Variants in CSMD3 observed in about 807,000 individuals in gnomAD.
CSMD3 encodes the protein CUB and Sushi multiple domains 3.
In CSMD3, 177 loss-of-function variants were observed where a neutral mutation model predicts 435.2. The observed-to-expected ratio is 0.41, with a 90% CI of 0.36 to 0.46. The LOEUF is 0.46. Among genes scored for constraint, CSMD3 ranks in the 20% least tolerant of loss-of-function variants. CSMD3 has a pLI of 0.34. For synonymous variants in CSMD3, 1,656 were observed against 1,520.5 expected (o/e 1.09, Z -2.07); for missense variants, 4,265 against 4,504.6 (o/e 0.95, Z 1.52).
At chr8:113,023,699 A>G (rs1209068112) in intron 5 of CSMD3, among the ~76,000 whole-genome samples, 2 of 152,102 alleles carry the variant, frequency 1.3e-5, no homozygotes, top group African/African-American at 2.4e-5. Flanking sequence ...AAACCAGACA[A>G]AGTTCCATGG....
rs201077177 is a variant in CSMD3 at position 112,827,361 on chromosome 8, G to GT, written c.1859+2324dup. Reference sequence around the variant, plus strand: ...TATTTTATCCAATGCTGAGATGGAAGTTTTTTTTGTGGCAGATACATGAAT... The same window carrying GT: ...TATTTTATCCAATGCTGAGATGGAAGTTTTTTTTTGTGGCAGATACATGAAT... On this transcript the variant is annotated intron_variant, in intron 12 of 70. Transcript: ENST00000297405. 3.8e-4 allele frequency among the ~76,000 whole-genome samples: 57 copies of GT among 150,800 alleles called. 1 individual carries two copies. In the East Asian group the frequency reaches 9.9e-3, roughly 26 times the overall value.
At chr8:112,594,684 C>T (rs1831523161) in intron 22 of CSMD3, among the ~76,000 whole-genome samples, 1 of 152,184 alleles carries the variant, frequency 6.6e-6, no homozygotes, top group Non-Finnish European at 1.5e-5. Flanking sequence ...GGCAGACTGC[C>T]TCCTCAAGTG....
chr8:113,428,254 ATCTATCTT>A (rs1410063308), intron 1 of CSMD3, among the ~76,000 whole-genome samples: 13 of 130,908 alleles, frequency 9.9e-5, no homozygotes, highest in African/African-American at 3.5e-4. Flanking sequence ...CTATCTATCT[ATCTATCTT>A]TCTGTCTAAT....
At chr8:112,909,380 G>GT (rs1181524689) in intron 10 of CSMD3, among the ~76,000 whole-genome samples, 1 of 151,534 alleles carries the variant, frequency 6.6e-6, no homozygotes, top group African/African-American at 2.4e-5. Context: ...CCTTAACAAT[G>GT]TAACAGAAGT....
chr8:113,055,675 G>A (rs932037441), intron 5 of CSMD3, among the ~76,000 whole-genome samples: 2 of 152,190 alleles, frequency 1.3e-5, no homozygotes, highest in East Asian at 1.9e-4. Flanking sequence ...TTAGAAGGAT[G>A]AGCATAACAT....
chr8:113,213,292 C>T (rs193264133), intron 3 of CSMD3, among the ~76,000 whole-genome samples: 10 of 152,140 alleles, frequency 6.6e-5, no homozygotes, highest in Middle Eastern at 3.4e-3. Context: ...CATAAAAGAT[C>T]AGAGAGAAGC....
intron 32 of CSMD3, among the ~76,000 whole-genome samples, chr8:112,409,951 C>A (rs867385118): frequency 6.6e-6 from 1 of 151,712 alleles, no homozygotes; most frequent in African/African-American, 2.4e-5. Flanking sequence ...TTTAATAATG[C>A]CAAAGCAAGG....
At chr8:112,872,000 G>A (rs1296676155) in intron 10 of CSMD3, among the ~76,000 whole-genome samples, 1 of 151,758 alleles carries the variant, frequency 6.6e-6, no homozygotes, top group African/African-American at 2.4e-5. Flanking sequence ...ATAATCCACT[G>A]GAAAAATACT....
intron 1 of CSMD3, among the ~76,000 whole-genome samples, chr8:113,358,614 G>C (rs905312862): frequency 2.0e-5 from 3 of 152,146 alleles, no homozygotes; most frequent in African/African-American, 7.2e-5. Flanking sequence ...TTACAATCAT[G>C]GCAGAAGGCA....
intron 27 of CSMD3, among the ~76,000 whole-genome samples, chr8:112,530,170 AG>A (rs1825382820): frequency 6.6e-6 from 1 of 152,196 alleles, no homozygotes; most frequent in Non-Finnish European, 1.5e-5. Context: ...CTCACAATTT[AG>A]GGACCAATAT....
chr8:112,636,005 A>C (rs1181555962), intron 22 of CSMD3, among the ~76,000 whole-genome samples: 1 of 152,184 alleles, frequency 6.6e-6, no homozygotes, highest in Non-Finnish European at 1.5e-5. Flanking sequence ...TTATAAAATA[A>C]TTATAAAATG....
At chr8:112,466,933 A>G (rs1818016481) in intron 32 of CSMD3, among the ~76,000 whole-genome samples, 2 of 152,204 alleles carry the variant, frequency 1.3e-5, no homozygotes, top group Non-Finnish European at 2.9e-5. Flanking sequence ...TATCCTAAGG[A>G]AAGATGTTTC....
intron 12 of CSMD3, among the ~76,000 whole-genome samples, chr8:112,802,128 A>G (rs916329222): frequency 6.6e-6 from 1 of 151,708 alleles, no homozygotes; most frequent in African/African-American, 2.4e-5. Context: ...AATAAAATAT[A>G]TATATTTTTA....
At chr8:112,612,112 C>T (rs1037388108) in intron 22 of CSMD3, among the ~76,000 whole-genome samples, 1 of 152,080 alleles carries the variant, frequency 6.6e-6, no homozygotes, top group Non-Finnish European at 1.5e-5. Context: ...ATAAAGAGAA[C>T]CTAATCAGGT....
intron 9 of CSMD3, among the ~76,000 whole-genome samples, chr8:112,930,384 T>C (rs1175539127): frequency 6.6e-6 from 1 of 152,098 alleles, no homozygotes; most frequent in African/African-American, 2.4e-5. Flanking sequence ...AACACATTAA[T>C]TGTATTTTAA....
Position 112,989,028 on chromosome 8 carries a change from T to G in CSMD3, c.1031-12880A>C, listed in dbSNP as rs139606650. The stretch of plus-strand genomic sequence containing the variant: ...TCATTTATTCATTCTTCCAGAATTT[T>G]AGGCAACAAGAATTTGTCGAGTGCT... On this transcript the variant is annotated intron_variant, in intron 6 of 70. Transcript: ENST00000297405. Among the ~76,000 whole-genome samples, 945 of 152,182 alleles carry G rather than the reference T, an allele frequency of 6.2e-3. 4 individuals carry two copies. Among genetic ancestry groups the G allele is most frequent in the Non-Finnish European group, 8.9e-3 (607 of 67,996 alleles).
chr8:112,386,887 C>T (rs1830024982), intron 36 of CSMD3, among the ~76,000 whole-genome samples: 1 of 152,168 alleles, frequency 6.6e-6, no homozygotes, highest in South Asian at 2.1e-4. Flanking sequence ...AATGGAATAG[C>T]TTCATGAGGT....
intron 1 of CSMD3, among the ~76,000 whole-genome samples, chr8:113,417,753 T>C (rs1004210925): frequency 6.6e-6 from 1 of 152,016 alleles, no homozygotes; most frequent in East Asian, 1.9e-4. Context: ...ACATTTCAAA[T>C]TCTAAGACAG....
At chr8:112,905,919 C>T (rs547529129) in intron 10 of CSMD3, among the ~76,000 whole-genome samples, 4 of 151,450 alleles carry the variant, frequency 2.6e-5, no homozygotes, top group South Asian at 4.2e-4. Flanking sequence ...GCATGAATGG[C>T]GCGAGTCTTT....
Sources: allele counts gnomAD v4.1 joint callset (sites outside exome capture counted in the v4.1 genomes callset), GRCh38; gene constraint gnomAD v4.1.1; transcripts MANE v1.5; gene names NCBI Gene and HGNC (gene_info 2026-07-23, HGNC 2026-07-21).